The following ADGRA3 variants were observed in gnomAD, a reference collection of about 807,000 sequenced individuals.
ADGRA3 encodes adhesion G protein-coupled receptor A3, also known as G-protein coupled receptor 125.
A neutral mutation model predicts 119.8 loss-of-function variants in ADGRA3; 56 were observed. The observed-to-expected ratio is 0.47, with a 90% CI of 0.38 to 0.58. ADGRA3 has a LOEUF of 0.58. Ranked by LOEUF, ADGRA3 falls within the 20% of genes least tolerant of loss-of-function variation. The pLI is 0.00. For missense variants in ADGRA3, 1,516 were observed against 1,649.0 expected (o/e 0.92, Z 1.40); for synonymous variants, 607 against 623.8 (o/e 0.97, Z 0.40).
At chr4:22,435,125 G>A (rs765765868) in intron 10 of ADGRA3, among the ~76,000 whole-genome samples, 186 bp downstream of exon 10, 7 of 152,096 alleles carry the variant, frequency 4.6e-5, no homozygotes, top group Non-Finnish European at 8.8e-5. Context: ...CACCTCTCCC[G>A]GTCCCAGCAG....
At chr4:22,408,614 G>A (rs1231726206) in intron 14 of ADGRA3, among the ~76,000 whole-genome samples, 7 of 152,104 alleles carry the variant, frequency 4.6e-5, no homozygotes, top group Admixed American at 4.6e-4. Flanking sequence ...ACTACCACCA[G>A]AAGACTAAAA....
chr4:22,426,094 G>A (rs113480746), intron 10 of ADGRA3, among the ~76,000 whole-genome samples: 14 of 152,230 alleles, frequency 9.2e-5, no homozygotes, highest in South Asian at 2.1e-4. Context: ...AAATGTTGGC[G>A]CTTTTACTGT....
chr4:22,388,793 G>A lies in ADGRA3; in HGVS notation c.2878C>T (p.Gln960Ter). ...YELKEPTEEQ[Q>*]RLAANENGEI... The stretch of plus-strand genomic sequence containing the variant: ...CCATTTTCATTGGCTGCCAATCTCT[G>A]TTGCTCCTCCGTGGGCTCCTTAAGC... The change falls in exon 19 of 19, where the codon CAG becomes TAG. Residue 960 changes from glutamine (Q) to a stop codon, truncating the protein, a stop_gained. Coordinates refer to ENST00000334304, the MANE Select transcript of ADGRA3 (RefSeq NM_145290.4). LOFTEE classifies it high-confidence loss of function. 1 of 1,614,048 alleles carries A rather than the reference G, an allele frequency of 6.2e-7. No homozygotes were observed. The highest frequency in any genetic ancestry group is 8.5e-7 in the Non-Finnish European group (1 of 1,179,992).
chr4:22,492,974 C>CT (rs894260484), intron 1 of ADGRA3, among the ~76,000 whole-genome samples: 2 of 141,370 alleles, frequency 1.4e-5, no homozygotes, highest in East Asian at 4.3e-4. Flanking sequence ...CTCCACCTTT[C>CT]TTTTTTTAAG....
At chr4:22,443,212 C>G (rs539255182) in intron 6 of ADGRA3, 1 of 587,444 alleles carries the variant, frequency 1.7e-6, no homozygotes, top group South Asian at 2.1e-5. Context: ...CTTTAAAATA[C>G]ACTTTGGAGA....
chr4:22,388,339 T>G lies in ADGRA3; in HGVS notation c.3332A>C (p.Gln1111Pro). 1.2e-6 allele frequency: 2 copies of G among 1,614,104 alleles called. No individual in the cohort carries two copies. Among genetic ancestry groups the G allele is most frequent in the Non-Finnish European group, 1.7e-6 (2 of 1,180,008 alleles). ...KSASSFKNSS[Q>P]GCKLTNLQAA... ...CTGCAAGTTTGTTAATTTGCAGCCC[T>G]GGGAGGAATTTTTGAAGCTTGAAGC... The change falls in exon 19 of 19, where the codon CAG becomes CCG. Residue 1111 changes from glutamine to proline, a missense_variant. Transcript: ENST00000334304.
chr4:22,449,061 G>A (rs1423377749), intron 4 of ADGRA3, among the ~76,000 whole-genome samples: 4 of 151,850 alleles, frequency 2.6e-5, no homozygotes, highest in East Asian at 1.9e-4. Flanking sequence ...ACCTGAGGTC[G>A]GGAGTTTGAG....
chr4:22,395,764 A>G (rs1714323478), intron 16 of ADGRA3, among the ~76,000 whole-genome samples: 2 of 152,218 alleles, frequency 1.3e-5, no homozygotes, highest in African/African-American at 4.8e-5. Context: ...TCAGTTGTCT[A>G]TGATTCAGTT....
intron 10 of ADGRA3, among the ~76,000 whole-genome samples, chr4:22,428,414 T>C (rs1323596458): frequency 2.6e-5 from 4 of 151,938 alleles, no homozygotes; most frequent in African/African-American, 9.7e-5. Context: ...AAGCAATTCA[T>C]GGAGTTTTTG....
At chr4:22,400,821 C>T (rs997906432) in intron 16 of ADGRA3, among the ~76,000 whole-genome samples, 6 of 151,816 alleles carry the variant, frequency 4.0e-5, no homozygotes, top group South Asian at 2.1e-4. Context: ...TCAATTACTA[C>T]GTTATACTTC....
rs771360660 is a variant in ADGRA3 at position 22,442,706 on chromosome 4, T to C, written c.864A>G (p.Glu288=). 32 of 1,613,506 alleles carry C rather than the reference T, an allele frequency of 2.0e-5. No individual in the cohort carries two copies. The change falls in exon 7 of 19, where the codon GAA becomes GAG. Residue 288 remains glutamate (E), a synonymous_variant. Coordinates refer to ENST00000334304, the MANE Select transcript of ADGRA3 (RefSeq NM_145290.4). ...TCTTTTCAACAAAAATACCTTGCGA[T>C]TCATCGGTTTCAACTATTCTCCCAT... The part of the protein sequence containing the change: ...YQDGRIVETD[E]SQGIFVEKNM...
intron 16 of ADGRA3, among the ~76,000 whole-genome samples, chr4:22,398,850 T>C (rs993907447): frequency 2.0e-5 from 3 of 152,318 alleles, no homozygotes; most frequent in East Asian, 3.9e-4. Flanking sequence ...TGAATATTCA[T>C]ATCCATGCTC....
chr4:22,388,041 C>A lies in ADGRA3; in HGVS notation c.3630G>T (p.Arg1210=), dbSNP rs767190670. ...GSVQNGLPKS[R]LGNNEGHSRS... is the part of the protein sequence containing the mutation. ...TCGAGTGTCCTTCGTTATTGCCCAG[C>A]CGGCTTTTAGGTAAGCCGTTCTGCA... Residue 1210 remains arginine (R), a synonymous_variant, in exon 19 of 19, where the codon CGG becomes CGT. Coordinates refer to ENST00000334304, the MANE Select transcript of ADGRA3 (RefSeq NM_145290.4). 1.3e-5 allele frequency: 21 copies of A among 1,614,018 alleles called. No homozygotes were observed. The Admixed American group carries it at 2.8e-4, about 22-fold the overall frequency.
intron 1 of ADGRA3, among the ~76,000 whole-genome samples, chr4:22,505,577 A>G (rs935212978): frequency 2.0e-5 from 3 of 151,448 alleles, no homozygotes; most frequent in Admixed American, 6.6e-5. Context: ...AGCCCGGGAG[A>G]CGGAGGTTGC....
At chr4:22,391,857 C>G (rs1375526686) in intron 17 of ADGRA3, among the ~76,000 whole-genome samples, 1 of 152,116 alleles carries the variant, frequency 6.6e-6, no homozygotes, top group Non-Finnish European at 1.5e-5. Flanking sequence ...GCCAGTGGTC[C>G]AGCATTTCCT....
chr4:22,506,777 T>G (rs1048376382), intron 1 of ADGRA3, among the ~76,000 whole-genome samples: 1 of 152,054 alleles, frequency 6.6e-6, no homozygotes, highest in Non-Finnish European at 1.5e-5. Flanking sequence ...GGAGGAATAG[T>G]GTACTTTTGT....
intron 12 of ADGRA3, chr4:22,414,652 T>G: frequency 1.5e-6 from 1 of 683,732 alleles, no homozygotes; most frequent in Non-Finnish European, 2.6e-6. Context: ...AAATAACACC[T>G]TGGTTTTGCA....
intron 1 of ADGRA3, among the ~76,000 whole-genome samples, chr4:22,478,749 G>A (rs556074660): frequency 6.6e-6 from 1 of 152,272 alleles, no homozygotes; most frequent in East Asian, 1.9e-4. Flanking sequence ...AAGGAAAGAA[G>A]AGAAGACAGA....
At chr4:22,495,826 G>A (rs188632743) in intron 1 of ADGRA3, among the ~76,000 whole-genome samples, 1,581 of 152,082 alleles carry the variant, frequency 0.01, 12 homozygotes, top group Non-Finnish European at 0.018. Context: ...GGAGAATGGC[G>A]TGAACCCGAG....
Sources: allele counts gnomAD v4.1 joint callset (sites outside exome capture counted in the v4.1 genomes callset), GRCh38; gene constraint gnomAD v4.1.1; transcripts MANE v1.5; gene names NCBI Gene and HGNC (gene_info 2026-07-23, HGNC 2026-07-21).